The following LAMA4 variants were observed in gnomAD, a reference collection of about 807,000 sequenced individuals.
The protein encoded by LAMA4 is laminin subunit alpha 4.
A neutral mutation model predicts 207.1 loss-of-function variants in LAMA4; 127 were observed. The observed-to-expected ratio is 0.61, with a 90% CI of 0.53 to 0.71. The LOEUF (loss-of-function observed/expected upper bound fraction) is 0.71, where lower values mean the gene tolerates loss of function less well. LAMA4 is among the 30% of genes least tolerant of loss of function. LAMA4 has a pLI of 0.00. For synonymous variants in LAMA4, 761 were observed against 816.0 expected, an observed-to-expected ratio of 0.93 and a Z score of 1.15; for missense variants, 2,093 against 2,246.5, an observed-to-expected ratio of 0.93 and a Z score of 1.38.
intron 2 of LAMA4, chr6:112,253,492 T>G (rs2114482066): frequency 2.4e-6 from 1 of 412,006 alleles, no homozygotes; most frequent in Middle Eastern, 7.5e-4. Context: ...CCCCTCACCT[T>G]CCCTGCTGCA....
intron 2 of LAMA4, among the ~76,000 whole-genome samples, chr6:112,220,154 T>C (rs1784845549): frequency 6.6e-6 from 1 of 152,176 alleles, no homozygotes; most frequent in African/African-American, 2.4e-5. Context: ...AATGGGATAT[T>C]GACTTTTAAA....
At chr6:112,185,089 G>C (rs1782603809) in intron 9 of LAMA4, 148 bp downstream of exon 9, 2 of 707,592 alleles carry the variant, frequency 2.8e-6, no homozygotes, top group Non-Finnish European at 5.2e-6. Context: ...TTCTCCACAG[G>C]TCTGGTCTTG....
At chr6:112,172,395 C>T (rs1426170310) in intron 12 of LAMA4, 1 of 558,510 alleles carries the variant, frequency 1.8e-6, no homozygotes, top group Non-Finnish European at 3.2e-6. Context: ...CTACTGCGTT[C>T]TTATCAAAGC....
In LAMA4 at chr6:112,132,799, A is replaced by T; in HGVS notation, c.3788T>A (p.Phe1263Tyr). 6.2e-7 allele frequency: 1 copy of T among 1,613,220 alleles called. No individual in the cohort carries two copies. The highest frequency in any genetic ancestry group is 8.5e-7 in the Non-Finnish European group (1 of 1,179,344). Residue 1263 changes from phenylalanine to tyrosine, a missense_variant, in exon 28 of 39, where the codon TTC becomes TAC. This residue lies in a region of LAMA4 where 1,704 missense variants were observed against 1,788.4 expected (regional missense o/e 0.95). Coordinates refer to ENST00000230538, the MANE Select transcript of LAMA4 (RefSeq NM_001105206.3). ...FFDGFEGGFNFRTLQPNGLLF... is the reference protein window; with the variant it reads ...FFDGFEGGFNYRTLQPNGLLF... ...TAACCCATTTGGTTGTAATGTTCGG[A>T]AATTAAAACCTCCTTCAAAGCCATC...
Position 112,178,168 on chromosome 6 carries a change from G to C in LAMA4, c.1142C>G (p.Ala381Gly). The change falls in exon 10 of 39, where the codon GCA (alanine) becomes GGA (glycine). Residue 381 changes from alanine (A) to glycine (G), a missense_variant. By Grantham distance (60) the Ala-to-Gly change is moderately conservative. This residue lies in a region of LAMA4 where 1,704 missense variants were observed against 1,788.4 expected (regional missense o/e 0.95). Coordinates refer to ENST00000230538, the MANE Select transcript of LAMA4 (RefSeq NM_001105206.3). ...QKESMDTINHASQLVEQAHDM... is the reference protein window; with the variant it reads ...QKESMDTINHGSQLVEQAHDM... ...ATGGGCTTGCTCTACCAGCTGACTT[G>C]CGTGGTTAATGGTGTCCATGCTTTC... is the stretch of plus-strand genomic sequence containing the variant. 1 of 1,613,892 alleles carries C rather than the reference G, an allele frequency of 6.2e-7. No homozygotes were observed. The highest frequency in any genetic ancestry group is 8.5e-7 in the Non-Finnish European group (1 of 1,179,798).
intron 38 of LAMA4, among the ~76,000 whole-genome samples, chr6:112,113,292 T>C (rs1777812678): frequency 6.6e-6 from 1 of 152,202 alleles, no homozygotes; most frequent in South Asian, 2.1e-4. Flanking sequence ...CCCCAAAATA[T>C]GTACAACTAT....
At chr6:112,230,351 G>A (rs1009879262) in intron 2 of LAMA4, among the ~76,000 whole-genome samples, 1 of 152,142 alleles carries the variant, frequency 6.6e-6, no homozygotes, top group Non-Finnish European at 1.5e-5. Flanking sequence ...CTATAGTTAA[G>A]TCCTTTGGAG....
chr6:112,119,103 A>G (rs774778261), intron 34 of LAMA4, 53 bp downstream of exon 34: 4 of 1,582,560 alleles, frequency 2.5e-6, no homozygotes, highest in Non-Finnish European at 3.5e-6. Context: ...CCTCAATTAG[A>G]TGATCTTCTG....
At chr6:112,214,423 A>AT (rs1183651814) in intron 3 of LAMA4, among the ~76,000 whole-genome samples, 2 of 152,036 alleles carry the variant, frequency 1.3e-5, no homozygotes, top group African/African-American at 4.8e-5. Flanking sequence ...TTATAAGAAT[A>AT]TATCTATATG....
At chr6:112,244,899 G>T (rs968019198) in intron 2 of LAMA4, among the ~76,000 whole-genome samples, 6 of 152,144 alleles carry the variant, frequency 3.9e-5, no homozygotes, top group Non-Finnish European at 7.3e-5. Context: ...GAAGCTTCAG[G>T]TCTCTTATGA....
At chr6:112,145,906 G>T (rs1168315402) in intron 18 of LAMA4, among the ~76,000 whole-genome samples, 1 of 152,046 alleles carries the variant, frequency 6.6e-6, no homozygotes, top group Non-Finnish European at 1.5e-5. Flanking sequence ...AGGTCAAGAG[G>T]AATACTGGGA....
intron 38 of LAMA4, 22 bp downstream of exon 38, chr6:112,114,054 T>C (rs1335992807): frequency 6.2e-7 from 1 of 1,613,434 alleles, no homozygotes; most frequent in African/African-American, 1.3e-5. Context: ...TTGGGAACTT[T>C]TCCTTTTTAA....
At chr6:112,167,061 C>A (rs1781422931) in intron 12 of LAMA4, among the ~76,000 whole-genome samples, 2 of 151,986 alleles carry the variant, frequency 1.3e-5, no homozygotes, top group African/African-American at 4.8e-5. Context: ...ATTCTGTTAC[C>A]CTTTGGAGAT....
At chr6:112,159,974 C>T (rs977323748) in intron 13 of LAMA4, among the ~76,000 whole-genome samples, 14 of 152,110 alleles carry the variant, frequency 9.2e-5, no homozygotes, top group South Asian at 4.2e-4. Context: ...CTAAGCCTTA[C>T]GGTGTTGCCT....
At chr6:112,218,505 A>G (rs2115069009) in intron 2 of LAMA4, 1 of 152,318 alleles carries the variant, frequency 6.6e-6, no homozygotes, top group Middle Eastern at 3.4e-3. Context: ...AACTGGAGAC[A>G]TATATACTAT....
chr6:112,184,977 G>A (rs568148522), intron 9 of LAMA4, among the ~76,000 whole-genome samples: 5 of 152,184 alleles, frequency 3.3e-5, no homozygotes, highest in South Asian at 2.1e-4. Context: ...CAAATCAACC[G>A]TATCAACCCA....
chr6:112,235,534 C>T (rs1294534084), intron 2 of LAMA4, among the ~76,000 whole-genome samples: 15 of 152,126 alleles, frequency 9.9e-5, no homozygotes, highest in African/African-American at 3.4e-4. Context: ...TGTTTTGGTA[C>T]ATGATAGGGA....
intron 13 of LAMA4, among the ~76,000 whole-genome samples, chr6:112,163,111 G>C (rs1781162904): frequency 1.3e-5 from 2 of 151,434 alleles, no homozygotes. Context: ...AGCTGGGACT[G>C]TAGGCATGCA....
At chr6:112,217,881 G>A (rs1280614967) in intron 2 of LAMA4, 1 of 152,154 alleles carries the variant, frequency 6.6e-6, no homozygotes, top group Non-Finnish European at 1.5e-5. Flanking sequence ...ATTTAATTTA[G>A]ACCATTTAAT....
Sources: allele counts gnomAD v4.1 joint callset (sites outside exome capture counted in the v4.1 genomes callset), GRCh38; gene constraint gnomAD v4.1.1; regional missense constraint gnomAD v4.1.1; transcripts MANE v1.5; gene names NCBI Gene and HGNC (gene_info 2026-07-23, HGNC 2026-07-21).